LRRC9: variants seen among roughly 807,000 people sequenced by gnomAD.
The protein encoded by LRRC9 is leucine-rich repeat-containing protein 9.
In LRRC9, 122 loss-of-function variants were observed where a neutral mutation model predicts 63.2. The observed-to-expected ratio is 1.93, with a 90% confidence interval of 1.67 to 2.24. LRRC9 has a LOEUF of 2.24. Among genes scored for constraint, LRRC9 ranks in the 30% most tolerant of loss-of-function variants. The pLI is 0.00. For synonymous variants in LRRC9, 366 were observed against 213.1 expected, an observed-to-expected ratio of 1.72 and a Z score of -6.25; for missense variants, 1,071 against 627.7, an observed-to-expected ratio of 1.71 and a Z score of -7.55.
At chr14:60,057,672 A>T in intron 30 of LRRC9, 1 of 366,060 alleles carries the variant, frequency 2.7e-6, no homozygotes, top group East Asian at 3.9e-5. Context: ...AAAAAAAAGA[A>T]CACAAGGTTC....
chr14:59,981,956 G>A (rs1220133641), exon 16 of LRRC9: 1 of 702,628 alleles, frequency 1.4e-6, no homozygotes, highest in Admixed American at 2.0e-5. Context: ...TGATGATGAA[G>A]TTATAAAAAT....
At chr14:59,994,682 T>TA (rs1888547281) in intron 17 of LRRC9, among the ~76,000 whole-genome samples, 1 of 152,168 alleles carries the variant, frequency 6.6e-6, no homozygotes, top group African/African-American at 2.4e-5. Flanking sequence ...TATGTGGCCA[T>TA]AAAAAATGAT....
chr14:60,022,614 T>C (rs1301719658), intron 26 of LRRC9, 120 bp from the exon 27 acceptor site: 1 of 402,276 alleles, frequency 2.5e-6, no homozygotes, highest in Non-Finnish European at 4.4e-6. Flanking sequence ...AATTCTGATA[T>C]ATTAATAAAT....
chr14:59,938,373 C>T lies in LRRC9; in HGVS notation c.544-17C>T, dbSNP rs754193307. 3.6e-5 allele frequency: 24 copies of T among 670,574 alleles called. 1 individual carries two copies. The South Asian group carries it at 3.7e-4, about 10-fold the overall frequency. 41.5% of individuals were successfully genotyped at this position (670,574 alleles called of 1,614,324 possible). A position where few individuals can be genotyped will look rare whatever the true frequency, so the allele number is the denominator to read the frequency against. ...ACAGTCACAATTAACTGAACATTAT[C>T]TTTGCTGGCATTTTAGGAACTCACG... On this transcript the variant is annotated splice_polypyrimidine_tract_variant and intron_variant, in intron 6 of 31. Transcript: ENST00000445360. This position sits in a 1 kb window ranked among gnomAD's most constrained non-coding sequence, Gnocchi z 4.2.
intron 23 of LRRC9, among the ~76,000 whole-genome samples, chr14:60,010,482 C>G (rs1374250685): frequency 1.3e-5 from 2 of 152,086 alleles, no homozygotes; most frequent in African/African-American, 4.8e-5. Context: ...CCTCCTAGGC[C>G]TCCAGGCCTG....
chr14:59,994,450 T>C (rs1216009917), intron 17 of LRRC9, among the ~76,000 whole-genome samples: 3 of 152,088 alleles, frequency 2.0e-5, no homozygotes, highest in African/African-American at 7.3e-5. Context: ...GAAGTCAGTG[T>C]GGTGATTCCT....
intron 29 of LRRC9, among the ~76,000 whole-genome samples, chr14:60,039,044 C>T (rs1018833687): frequency 6.6e-6 from 1 of 152,154 alleles, no homozygotes; most frequent in Non-Finnish European, 1.5e-5. Flanking sequence ...GTCCTTGGTT[C>T]TGTTTATATG....
At chr14:59,960,326 A>T (rs746914693) in intron 9 of LRRC9, among the ~76,000 whole-genome samples, 1 of 152,172 alleles carries the variant, frequency 6.6e-6, no homozygotes, top group Non-Finnish European at 1.5e-5. Context: ...GGATAAACTC[A>T]CCAAATAGAT....
At position 59,985,235 on chromosome 14, in the gene LRRC9, T is replaced by C. The variant is rs765314325; in HGVS notation, c.2211+11T>C. ...GATGTATACCACTTGGTAAGAATTG[T>C]TCCTTTGAATCTAAAAAAGTGAAAC... On this transcript the variant is annotated intron_variant, in intron 17 of 31. Transcript: ENST00000445360. The C allele has an allele frequency of 1.4e-5, 9 of 620,884 alleles. No individual in the cohort carries two copies. The highest frequency in any genetic ancestry group is 1.1e-4 in the East Asian group (4 of 35,946). 38.5% of individuals were successfully genotyped at this position (620,884 alleles called of 1,614,324 possible). A position where few individuals can be genotyped will look rare whatever the true frequency, so the allele number is the denominator to read the frequency against.
At chr14:59,963,621 A>G (rs148115263) in intron 10 of LRRC9, among the ~76,000 whole-genome samples, 195 of 152,284 alleles carry the variant, frequency 1.3e-3, no homozygotes, top group Non-Finnish European at 2.4e-3. Flanking sequence ...AACATCTAGC[A>G]TGGGACTGGA....
At chr14:60,018,427 A>T (rs1365288044) in exon 25 of LRRC9, 18 of 700,538 alleles carry the variant, frequency 2.6e-5, no homozygotes, top group Non-Finnish European at 4.4e-5. Flanking sequence ...GTGAATCTAC[A>T]GAACAATCAT....
rs1037643340 is a variant in LRRC9 at position 59,954,269 on chromosome 14, C to T, written c.883-5549C>T. Among the ~76,000 whole-genome samples, 49 of 152,240 alleles carry T rather than the reference C, an allele frequency of 3.2e-4. 1 individual carries two copies. Among genetic ancestry groups the T allele is most frequent in the Admixed American group, 2.0e-3 (30 of 15,292 alleles). On this transcript the variant is annotated intron_variant, in intron 8 of 31. Coordinates refer to ENST00000445360, the Ensembl canonical transcript of LRRC9. ...TCTTTGGGGAGTATGACCATTTTCA[C>T]GATATTGATTCTTCCTATCCATGAG... is the stretch of plus-strand genomic sequence containing the variant.
At chr14:60,055,547 A>G (rs1025513720) in intron 30 of LRRC9, among the ~76,000 whole-genome samples, 7 of 152,154 alleles carry the variant, frequency 4.6e-5, no homozygotes, top group African/African-American at 1.7e-4. Context: ...ATATTGTCTT[A>G]CAGTTTTGAA....
intron 20 of LRRC9, 65 bp downstream of exon 20, chr14:60,002,165 G>T: frequency 1.6e-6 from 1 of 617,960 alleles, no homozygotes; most frequent in Non-Finnish European, 2.9e-6. Flanking sequence ...AGTCAGTGTT[G>T]GTCTGTGTAT....
chr14:59,974,904 T>G (rs1489374226), intron 13 of LRRC9, among the ~76,000 whole-genome samples, 196 bp downstream of exon 13: 1 of 151,326 alleles, frequency 6.6e-6, no homozygotes, highest in African/African-American at 2.4e-5. Context: ...AGATACTTAC[T>G]GAGTGATTAT....
In LRRC9 at chr14:59,925,247, T is replaced by C. The variant is rs908046628; in HGVS notation, c.-33-2664T>C. ...TCCATTTTGTGCTGCTATAATAAAA[T>C]ACCTGAAAATGGGCAATTTAAAAAC... On this transcript the variant is annotated intron_variant, in intron 1 of 31. Transcript: ENST00000445360. 1.2e-4 allele frequency among the ~76,000 whole-genome samples: 18 copies of C among 152,280 alleles called. 1 individual carries two copies. Among genetic ancestry groups the C allele is most frequent in the Admixed American group, 8.5e-4 (13 of 15,304 alleles).
intron 29 of LRRC9, among the ~76,000 whole-genome samples, chr14:60,039,908 T>C (rs1892796240): frequency 1.3e-5 from 2 of 152,144 alleles, no homozygotes; most frequent in Admixed American, 6.5e-5. Flanking sequence ...TTTAGTGCTA[T>C]AAATTTCCTT....
At chr14:60,015,131 TC>T (rs1890573023) in intron 23 of LRRC9, among the ~76,000 whole-genome samples, 1 of 152,174 alleles carries the variant, frequency 6.6e-6, no homozygotes, top group Non-Finnish European at 1.5e-5. Flanking sequence ...TTCATTTCAT[TC>T]TTCATATCTT....
chr14:59,993,280 C>A (rs1376651723), intron 17 of LRRC9, among the ~76,000 whole-genome samples: 1 of 152,116 alleles, frequency 6.6e-6, no homozygotes, highest in Admixed American at 6.5e-5. Context: ...CTGTCACCAC[C>A]AGGCCTGCCC....
Sources: gnomAD v4.1 joint callset for allele counts (sites outside exome capture counted in the v4.1 genomes callset) on GRCh38, gnomAD v4.1.1 for gene constraint, Gnocchi (gnomAD v3.1) non-coding constraint, MANE v1.5 for transcripts, NCBI Gene and HGNC (gene_info 2026-07-23, HGNC 2026-07-21) for gene names.